The following FNDC7 variants were observed in gnomAD, a reference collection of about 807,000 sequenced individuals.
The protein encoded by FNDC7 is fibronectin type III domain containing 7, also known as fibronectin type III domain-containing protein 7.
In FNDC7, 66 loss-of-function variants were observed where a neutral mutation model predicts 74.2. That is an observed-to-expected ratio of 0.89 (90% CI 0.73 to 1.09). FNDC7 has a LOEUF of 1.09. Ranked by LOEUF, FNDC7 falls within the 50% of genes least tolerant of loss-of-function variation. The probability of loss-of-function intolerance (pLI) is 0.00; values close to 1 mark genes in which losing one functional copy is unlikely to be tolerated. For missense variants in FNDC7, 829 were observed against 893.4 expected (o/e 0.93, Z 0.92); for synonymous variants, 307 against 330.2 (o/e 0.93, Z 0.76).
chr1:108,728,769 A>G lies in FNDC7; in HGVS notation c.1507A>G (p.Thr503Ala). Residue 503 changes from threonine (T) to alanine (A), a missense_variant, in exon 8 of 13, where the codon ACA becomes GCA. Transcript: ENST00000370017. ...GEKGLYQCSS[T>A]GESCTMRGLP... ...GAAAGGACTGTATCAGTGCAGCAGC[A>G]CAGGAGAGTCCTGCACCATGCGGGG... is the stretch of plus-strand genomic sequence containing the variant. 1 of 1,614,286 alleles carries G rather than the reference A, an allele frequency of 6.2e-7. No individual in the cohort carries two copies. The highest frequency in any genetic ancestry group is 8.5e-7 in the Non-Finnish European group (1 of 1,180,048).
rs1343911301 is a variant in FNDC7, at chr1:108,733,500, A to G, written c.2108A>G (p.Lys703Arg). The G allele has an allele frequency of 3.1e-6, 5 of 1,613,514 alleles. No homozygotes were observed. The African/African-American group carries it at 6.7e-5, about 22-fold the overall frequency. Residue 703 changes from lysine to arginine, a missense_variant, in exon 10 of 13, where the codon AAG becomes AGG. Physicochemically the swap from Lys to Arg is conservative, Grantham distance 26. Transcript: ENST00000370017. The stretch of plus-strand genomic sequence containing the variant: ...TCACCAGTTGCTAAAACAGGATTGA[A>G]GCTTACTTTCTGTCCAAAAAAAATA... ...MVSPVAKTGL[K>R]LTFCPKKIYS...
At chr1:108,733,582 T>A (rs1430088642) in intron 10 of FNDC7, 50 bp downstream of exon 10, 4 of 1,566,282 alleles carry the variant, frequency 2.6e-6, no homozygotes, top group Non-Finnish European at 3.5e-6. Flanking sequence ...AACTCATATC[T>A]GTGAATTAAG....
chr1:108,738,665 C>T (rs961627549), intron 11 of FNDC7, among the ~76,000 whole-genome samples: 2 of 151,872 alleles, frequency 1.3e-5, no homozygotes, highest in Non-Finnish European at 2.9e-5. Flanking sequence ...ACCCACACCC[C>T]CTTCCACTGG....
In FNDC7 at chr1:108,727,979, GTGA is replaced by G; in HGVS notation, c.1284_1286del (p.Asp429del). The G allele has an allele frequency of 1.2e-6, 2 of 1,614,154 alleles. No individual in the cohort carries two copies. The highest frequency in any genetic ancestry group is 1.7e-6 in the Non-Finnish European group (2 of 1,180,026). On this transcript the variant is annotated inframe_deletion, in exon 7 of 13. Transcript: ENST00000370017. ...GCGTGCACCCTTTCGGCTCTAGAGT[GTGA>G]CACCAAGTACAACATCACAGTGTAT...
Position 108,730,802 on chromosome 1 carries a change from T to C in FNDC7, c.1753T>C (p.Cys585Arg). Residue 585 changes from cysteine to arginine, a missense_variant, in exon 9 of 13, where the codon TGT becomes CGT. Cys to Arg is a radical substitution (Grantham distance 180). Transcript: ENST00000370017. ...VLESHTGQSK[C>R]HTHQNHCLLG... ...GGAGTCACACACTGGACAGTCTAAG[T>C]GTCACACTCATCAAAACCACTGCCT... 4.3e-6 allele frequency: 7 copies of C among 1,614,164 alleles called. No individual in the cohort carries two copies. Among genetic ancestry groups the C allele is most frequent in the Non-Finnish European group, 5.9e-6 (7 of 1,180,030 alleles).
chr1:108,728,929 C>T (rs780678565), intron 8 of FNDC7, 43 bp downstream of exon 8: 4 of 1,595,548 alleles, frequency 2.5e-6, no homozygotes, highest in African/African-American at 1.3e-5. Context: ...TCAGTGGGGT[C>T]CTTATGGAGT....
chr1:108,728,603 G>C, intron 7 of FNDC7, 29 bp from the exon 8 acceptor site: 1 of 1,610,816 alleles, frequency 6.2e-7, no homozygotes, highest in Non-Finnish European at 8.5e-7. Context: ...GACTCATGCT[G>C]GTTCAATTAA....
chr1:108,730,757 C>G lies in FNDC7; in HGVS notation c.1708C>G (p.Gln570Glu). 6.2e-7 allele frequency: 1 copy of G among 1,613,884 alleles called. No individual in the cohort carries two copies. The highest frequency in any genetic ancestry group is 1.3e-5 in the African/African-American group (1 of 75,038). The stretch of plus-strand genomic sequence containing the variant: ...GAGCTGGACTATTGGGAGAGTGGCT[C>G]AAACCCATGTTGCAGTTCTGGAGTC... ...NVSWTIGRVA[Q>E]THVAVLESHT... The change falls in exon 9 of 13, where the codon CAA becomes GAA. Residue 570 changes from glutamine to glutamate, a missense_variant. Gln to Glu is a conservative substitution (Grantham distance 29, BLOSUM62 2). Transcript: ENST00000370017.
At chr1:108,713,134 A>G (rs548320834) in intron 1 of FNDC7, 138 bp downstream of exon 1, 1 of 729,310 alleles carries the variant, frequency 1.4e-6, no homozygotes, top group South Asian at 1.9e-5. Context: ...CCGAGGTTGT[A>G]TATGTTTGCG....
At chr1:108,722,279 C>T (rs1557788250) in intron 4 of FNDC7, 56 bp from the exon 5 acceptor site, 1 of 1,463,142 alleles carries the variant, frequency 6.8e-7, no homozygotes, top group Non-Finnish European at 9.1e-7. Context: ...GTTATGCCAA[C>T]TCTTACGTAG....
chr1:108,741,869 A>AT (rs1661657933), intron 12 of FNDC7, 28 bp downstream of exon 12: 2 of 1,530,168 alleles, frequency 1.3e-6, no homozygotes, highest in Non-Finnish European at 1.8e-6. Flanking sequence ...ATTTTGTGTG[A>AT]TTTTATGGCA....
rs1661008183 is a variant in FNDC7, at chr1:108,717,827, A to G, written c.133A>G (p.Ile45Val). The G allele has an allele frequency of 6.4e-7, 1 of 1,551,594 alleles. No individual in the cohort carries two copies. The highest frequency in any genetic ancestry group is 2.4e-5 in the East Asian group (1 of 40,934). ...GGCATATTCAAAACTCAGCAACAGT[A>G]TCACTGTAGAATGGGCTACAGTGCC... ...DQAYSKLSNS[I>V]TVEWATVPGA... is the part of the protein sequence containing the mutation. Residue 45 changes from isoleucine to valine, a missense_variant, in exon 3 of 13, where the codon ATC (isoleucine) becomes GTC (valine). Coordinates refer to ENST00000370017, the MANE Select transcript of FNDC7 (RefSeq NM_001144937.3).
rs1368124358 is a variant in FNDC7 at position 108,727,702 on chromosome 1, G to A, written c.1112-106G>A. 15 of 1,365,488 alleles carry A rather than the reference G, an allele frequency of 1.1e-5. No individual in the cohort carries two copies. The East Asian group carries it at 3.2e-4, about 29-fold the overall frequency. 84.6% of individuals were successfully genotyped at this position (1,365,488 alleles called of 1,614,324 possible). ...CATAGGGAGTCACTGTAGTCATCAGGGAGGGCAGTGGCAGAGGCTCTGGGC... is the reference window on the plus strand; with the variant it reads ...CATAGGGAGTCACTGTAGTCATCAGAGAGGGCAGTGGCAGAGGCTCTGGGC... On this transcript the variant is annotated intron_variant, in intron 6 of 12. Coordinates refer to ENST00000370017, the MANE Select transcript of FNDC7 (RefSeq NM_001144937.3).
intron 11 of FNDC7, among the ~76,000 whole-genome samples, chr1:108,740,048 A>AAAT (rs2101093019): frequency 6.6e-6 from 1 of 151,800 alleles, no homozygotes; most frequent in East Asian, 1.9e-4. Context: ...AAAAAAAAAA[A>AAAT]AATCCCGCAA....
At position 108,715,833 on chromosome 1, in the gene FNDC7, AG is replaced by A. The variant is rs560089350; in HGVS notation, c.83-1942del. ...TCAAGGAAGGTAACAAGTCTAGAAG[AG>A]GTAAAATGACTTGCATGCCTTCACA... On this transcript the variant is annotated intron_variant, in intron 2 of 12. Coordinates refer to ENST00000370017, the MANE Select transcript of FNDC7 (RefSeq NM_001144937.3). 4.1e-3 allele frequency among the ~76,000 whole-genome samples: 625 copies of A among 152,364 alleles called. 1 individual carries two copies. The highest frequency in any genetic ancestry group is 6.9e-3 in the Non-Finnish European group (469 of 68,036).
Position 108,730,924 on chromosome 1 carries a change from C to A in FNDC7, c.1875C>A (p.Phe625Leu). 6.2e-7 allele frequency: 1 copy of A among 1,608,288 alleles called. No homozygotes were observed. The highest frequency in any genetic ancestry group is 1.1e-5 in the South Asian group (1 of 89,786). ...CAGATTGCTCCTACCAAAGTTATTT[C>A]TCTGGTAAGTGAACTCTAGCTCTAG... ...LTADCSYQSY[F>L]SGACCPLGVK... The change falls in exon 9 of 13, where the codon TTC (phenylalanine) becomes TTA (leucine). Residue 625 changes from phenylalanine (F) to leucine (L), a missense_variant. Coordinates refer to ENST00000370017, the MANE Select transcript of FNDC7 (RefSeq NM_001144937.3).
At chr1:108,714,991 G>T (rs1488042320) in intron 2 of FNDC7, among the ~76,000 whole-genome samples, 1 of 152,060 alleles carries the variant, frequency 6.6e-6, no homozygotes, top group Non-Finnish European at 1.5e-5. Context: ...CTCAGAACAG[G>T]CCCCTTTTTG....
intron 10 of FNDC7, 37 bp downstream of exon 10, chr1:108,733,569 C>T (rs1661445025): frequency 6.3e-7 from 1 of 1,590,046 alleles, no homozygotes; most frequent in Admixed American, 1.7e-5. Context: ...AAAACTAACC[C>T]TGAACTCATA....
At position 108,720,934 on chromosome 1, in the gene FNDC7, A is replaced by G. The variant is rs532150295; in HGVS notation, c.599-1401A>G. On this transcript the variant is annotated intron_variant, in intron 4 of 12. Coordinates refer to ENST00000370017, the MANE Select transcript of FNDC7 (RefSeq NM_001144937.3). ...TGGAGGGAACTCAAGTCAACTCATA[A>G]CAGGCTCTCACTACTCTACCTATTT... Among the ~76,000 whole-genome samples, 16 of 152,348 alleles carry G rather than the reference A, an allele frequency of 1.1e-4. No individual in the cohort carries two copies. The South Asian group carries it at 1.9e-3, about 18-fold the overall frequency.
Sources: gnomAD v4.1 joint callset for allele counts (sites outside exome capture counted in the v4.1 genomes callset) on GRCh38, gnomAD v4.1.1 for gene constraint, MANE v1.5 for transcripts, NCBI Gene and HGNC (gene_info 2026-07-23, HGNC 2026-07-21) for gene names.